The following SPPL3 variants were observed in gnomAD, a reference collection of about 807,000 sequenced individuals.
SPPL3 encodes signal peptide peptidase-like 3.
In SPPL3, 5 loss-of-function variants were observed where a neutral mutation model predicts 42.4. The observed-to-expected ratio is 0.12, with a 90% CI of 0.06 to 0.25. The LOEUF is 0.25. Ranked by LOEUF, SPPL3 falls within the 10% of genes least tolerant of loss-of-function variation. The pLI is 1.00. For synonymous variants in SPPL3, 195 were observed against 181.8 expected, an observed-to-expected ratio of 1.07 and a Z score of -0.58; for missense variants, 235 against 489.0, an observed-to-expected ratio of 0.48 and a Z score of 4.90.
chr12:120,783,937 T>C (rs1046012564), intron 4 of SPPL3, among the ~76,000 whole-genome samples, 185 bp from the exon 5 acceptor site: 1 of 152,064 alleles, frequency 6.6e-6, no homozygotes, highest in Admixed American at 6.5e-5. Context: ...TGATTTGAAG[T>C]AGGGGAAAGC....
chr12:120,847,215 CTAAT>C (rs1872067997), intron 1 of SPPL3, among the ~76,000 whole-genome samples: 1 of 152,038 alleles, frequency 6.6e-6, no homozygotes, highest in Non-Finnish European at 1.5e-5. Context: ...AATTTCAACA[CTAAT>C]TAGAGAGGGA....
chr12:120,904,036 CGGGCTCCGAAGCGGCCCCGCTCCCT>C lies in SPPL3; in HGVS notation c.-194_-170del. On this transcript the variant is annotated 5_prime_UTR_variant, in exon 1 of 11. Transcript: ENST00000353487. ...GGGAAGGCGGCTGGCGGGGAGAGGC[CGGGCTCCGAAGCGGCCCCGCTCCCT>C]GGGCCCCGGGGCGGGGCGGGCTCCG... 2.2e-6 allele frequency: 1 copy of C among 456,316 alleles called. No homozygotes were observed. 28.3% of individuals were successfully genotyped at this position (456,316 alleles called of 1,614,324 possible).
intron 1 of SPPL3, among the ~76,000 whole-genome samples, chr12:120,849,368 C>A (rs1411340345): frequency 6.6e-6 from 1 of 152,104 alleles, no homozygotes; most frequent in African/African-American, 2.4e-5. Context: ...TTGTAGCCAA[C>A]TGGCAACACA....
At chr12:120,854,397 A>G (rs954058914) in intron 1 of SPPL3, among the ~76,000 whole-genome samples, 2 of 152,226 alleles carry the variant, frequency 1.3e-5, no homozygotes, top group African/African-American at 4.8e-5. Context: ...GTCTGATGCT[A>G]AGTAAATCTA....
chr12:120,870,222 G>A (rs978108775), intron 1 of SPPL3, among the ~76,000 whole-genome samples: 1 of 151,966 alleles, frequency 6.6e-6, no homozygotes, highest in African/African-American at 2.4e-5. Context: ...GAGGCGGGTG[G>A]ATCACCTGAG....
intron 1 of SPPL3, among the ~76,000 whole-genome samples, chr12:120,899,961 T>C (rs573362128): frequency 6.6e-6 from 1 of 150,752 alleles, no homozygotes; most frequent in Non-Finnish European, 1.5e-5. Context: ...TAAGCAGAAT[T>C]TGAGTTGAAC....
chr12:120,895,676 C>G (rs1477391453), intron 1 of SPPL3, among the ~76,000 whole-genome samples: 4 of 152,188 alleles, frequency 2.6e-5, no homozygotes, highest in Non-Finnish European at 5.9e-5. Context: ...AAATAATGTA[C>G]AGAACAAACA....
intron 1 of SPPL3, among the ~76,000 whole-genome samples, chr12:120,819,745 T>C (rs573255605): frequency 6.6e-6 from 1 of 152,290 alleles, no homozygotes; most frequent in Admixed American, 6.5e-5. Context: ...TTTTATCACT[T>C]AGTGTACTCA....
chr12:120,806,426 A>T (rs1293233856), intron 2 of SPPL3, among the ~76,000 whole-genome samples: 1 of 152,150 alleles, frequency 6.6e-6, no homozygotes, highest in Non-Finnish European at 1.5e-5. Flanking sequence ...ATCAAATGGT[A>T]CTGGGACAAG....
intron 9 of SPPL3, among the ~76,000 whole-genome samples, chr12:120,767,051 A>G (rs901298701): frequency 6.6e-6 from 1 of 152,240 alleles, no homozygotes; most frequent in Non-Finnish European, 1.5e-5. Flanking sequence ...AATGAATGTA[A>G]GTAAGTATCT....
intron 1 of SPPL3, among the ~76,000 whole-genome samples, chr12:120,873,582 A>G (rs1311725226): frequency 6.6e-6 from 1 of 152,154 alleles, no homozygotes; most frequent in African/African-American, 2.4e-5. Flanking sequence ...GAGAAACAAA[A>G]ATAAAAATGA....
intron 1 of SPPL3, among the ~76,000 whole-genome samples, chr12:120,834,415 G>C (rs1871538447): frequency 6.6e-6 from 1 of 152,034 alleles, no homozygotes; most frequent in Non-Finnish European, 1.5e-5. Context: ...GTGGTTGGTG[G>C]GGACTCTGCC....
chr12:120,865,488 A>G (rs1173968271), intron 1 of SPPL3, among the ~76,000 whole-genome samples: 1 of 152,238 alleles, frequency 6.6e-6, no homozygotes, highest in Non-Finnish European at 1.5e-5. Flanking sequence ...GTATCTATCT[A>G]TGAAAGCTGT....
rs11374486 is a variant in SPPL3 at position 120,820,306 on chromosome 12, ATTTTTTT to A, written c.24-9427_24-9421del. Reference sequence around the variant, plus strand: ...GGACTTAATTTGTATCTTTCTCTAAATTTTTTTTTTTTTTTTTTTTTTTTGTGAGACA... The same window carrying A: ...GGACTTAATTTGTATCTTTCTCTAAATTTTTTTTTTTTTTTTTGTGAGACA... On this transcript the variant is annotated intron_variant, in intron 1 of 10. Transcript: ENST00000353487. Among the ~76,000 whole-genome samples the A allele has an allele frequency of 1.8e-3, 178 of 100,980 alleles. 3 individuals carry two copies. Among genetic ancestry groups the A allele is most frequent in the Admixed American group, 0.014 (116 of 8,368 alleles). 66.2% of individuals were successfully genotyped at this position (100,980 alleles called of 152,430 possible).
chr12:120,851,532 C>G (rs996105691), intron 1 of SPPL3, among the ~76,000 whole-genome samples: 3 of 152,092 alleles, frequency 2.0e-5, no homozygotes, highest in African/African-American at 7.2e-5. Context: ...AGCTCAGGAG[C>G]TTCTGGGCAC....
intron 1 of SPPL3, among the ~76,000 whole-genome samples, chr12:120,876,831 A>G (rs1254585109): frequency 2.0e-5 from 3 of 151,350 alleles, no homozygotes; most frequent in South Asian, 2.1e-4. Flanking sequence ...ACACACACAC[A>G]CACACACACA....
chr12:120,785,274 T>C (rs1446985937), intron 3 of SPPL3, among the ~76,000 whole-genome samples: 1 of 151,990 alleles, frequency 6.6e-6, no homozygotes, highest in Non-Finnish European at 1.5e-5. Flanking sequence ...AAATTTATTT[T>C]ATGGGAACAT....
At chr12:120,852,828 A>AAT (rs1459617325) in intron 1 of SPPL3, among the ~76,000 whole-genome samples, 1 of 145,246 alleles carries the variant, frequency 6.9e-6, no homozygotes, top group African/African-American at 2.5e-5. Context: ...TATTTCATAT[A>AAT]ATATATACAT....
intron 3 of SPPL3, among the ~76,000 whole-genome samples, chr12:120,786,853 T>C (rs1869738124): frequency 6.6e-6 from 1 of 152,048 alleles, no homozygotes; most frequent in Non-Finnish European, 1.5e-5. Flanking sequence ...TCCAGTAACT[T>C]AAAAACAAAG....
Sources: allele counts gnomAD v4.1 joint callset (sites outside exome capture counted in the v4.1 genomes callset), GRCh38; gene constraint gnomAD v4.1.1; transcripts MANE v1.5; gene names NCBI Gene and HGNC (gene_info 2026-07-23, HGNC 2026-07-21).